The following CSMD1 variants were observed in gnomAD, a reference collection of about 807,000 sequenced individuals.
The protein encoded by CSMD1 is CUB and Sushi multiple domains 1.
A neutral mutation model predicts 417.5 loss-of-function variants in CSMD1; 213 were observed. That is an observed-to-expected ratio of 0.51 (90% CI 0.46 to 0.57). The LOEUF is 0.57. Ranked by LOEUF, CSMD1 falls within the 20% of genes least tolerant of loss-of-function variation. The pLI is 0.00. For synonymous variants in CSMD1, 2,862 were observed against 1,736.8 expected (o/e 1.65, Z -16.11); for missense variants, 6,923 against 4,529.7 (o/e 1.53, Z -15.17).
chr8:4,348,180 C>T (rs1212161565), intron 3 of CSMD1, among the ~76,000 whole-genome samples: 1 of 152,130 alleles, frequency 6.6e-6, no homozygotes, highest in East Asian at 1.9e-4. Context: ...CATATGATCT[C>T]TGGATATGGC....
rs138416004 is a variant in CSMD1, at chr8:3,620,293, G to C, written c.1010-3496C>G. ...TGTTCCCTACAAGAAAGTCCTTCAAGTTGAAATGAAAGGGCACTACACAGT... is the reference window on the plus strand; with the variant it reads ...TGTTCCCTACAAGAAAGTCCTTCAACTTGAAATGAAAGGGCACTACACAGT... On this transcript the variant is annotated intron_variant, in intron 7 of 69. Coordinates refer to ENST00000635120, the MANE Select transcript of CSMD1 (RefSeq NM_033225.6). Among the ~76,000 whole-genome samples, 976 of 147,492 alleles carry C rather than the reference G, an allele frequency of 6.6e-3. 6 individuals carry two copies. Among genetic ancestry groups the C allele is most frequent in the Non-Finnish European group, 0.011 (757 of 67,986 alleles).
At chr8:3,383,213 T>C (rs935930931) in intron 18 of CSMD1, among the ~76,000 whole-genome samples, 2 of 152,240 alleles carry the variant, frequency 1.3e-5, no homozygotes, top group African/African-American at 4.8e-5. Context: ...CTTTCATAGA[T>C]GTTCATATGT....
chr8:4,678,577 C>T (rs1805839170), intron 1 of CSMD1, among the ~76,000 whole-genome samples: 1 of 151,986 alleles, frequency 6.6e-6, no homozygotes, highest in African/African-American at 2.4e-5. Flanking sequence ...ACATTATATT[C>T]AGAAATTAAG....
At chr8:3,295,421 C>T (rs1023186654) in intron 25 of CSMD1, among the ~76,000 whole-genome samples, 1 of 152,096 alleles carries the variant, frequency 6.6e-6, no homozygotes, top group Non-Finnish European at 1.5e-5. Context: ...CCACTGAGCC[C>T]AGCCTCAATT....
intron 3 of CSMD1, among the ~76,000 whole-genome samples, chr8:4,206,956 T>C (rs888278957): frequency 1.3e-5 from 2 of 152,218 alleles, no homozygotes; most frequent in Non-Finnish European, 2.9e-5. Context: ...AAAATGCCTA[T>C]TTCATATAGA....
chr8:3,509,157 A>C (rs10108457), intron 10 of CSMD1, among the ~76,000 whole-genome samples: 10 of 151,922 alleles, frequency 6.6e-5, no homozygotes, highest in African/African-American at 2.4e-4. Context: ...GATAAGGTCA[A>C]CTCAAAAGTT....
intron 2 of CSMD1, among the ~76,000 whole-genome samples, chr8:4,559,797 C>A (rs970254380): frequency 1.3e-5 from 2 of 152,248 alleles, no homozygotes; most frequent in African/African-American, 4.8e-5. Flanking sequence ...CCACCTGAGA[C>A]ACACGTCATC....
At chr8:4,804,137 T>C (rs115865720) in intron 1 of CSMD1, among the ~76,000 whole-genome samples, 1,695 of 152,202 alleles carry the variant, frequency 0.011, 28 homozygotes, top group African/African-American at 0.038. Flanking sequence ...ATTTCCTTTA[T>C]ACATCAAAAC....
At chr8:3,981,972 C>T (rs1041669688) in intron 5 of CSMD1, among the ~76,000 whole-genome samples, 1 of 151,846 alleles carries the variant, frequency 6.6e-6, no homozygotes, top group Non-Finnish European at 1.5e-5. Context: ...GAGATTGAGA[C>T]CATCCTGGCT....
At chr8:4,075,000 G>C (rs1188155333) in intron 3 of CSMD1, among the ~76,000 whole-genome samples, 1 of 152,050 alleles carries the variant, frequency 6.6e-6, no homozygotes, top group Non-Finnish European at 1.5e-5. Flanking sequence ...TCTACAAATG[G>C]GGACATGCCT....
intron 6 of CSMD1, among the ~76,000 whole-genome samples, chr8:3,726,665 A>G (rs1424252431): frequency 6.6e-6 from 1 of 152,174 alleles, no homozygotes; most frequent in African/African-American, 2.4e-5. Context: ...AGGTGACATC[A>G]GTCTGTAGTT....
chr8:3,297,838 C>G (rs35612444), intron 25 of CSMD1, among the ~76,000 whole-genome samples: 1 of 150,530 alleles, frequency 6.6e-6, no homozygotes, highest in Admixed American at 6.7e-5. Flanking sequence ...ATTTGCTAAC[C>G]GTAAAGAAAA....
chr8:4,720,213 A>T (rs910953421), intron 1 of CSMD1, among the ~76,000 whole-genome samples: 1 of 151,466 alleles, frequency 6.6e-6, no homozygotes, highest in Admixed American at 6.6e-5. Context: ...TTGTTCCTTG[A>T]TGTTTCTTAG....
intron 65 of CSMD1, among the ~76,000 whole-genome samples, chr8:2,953,719 T>A (rs624128): frequency 2.6e-5 from 4 of 152,132 alleles, no homozygotes; most frequent in Non-Finnish European, 5.9e-5. Context: ...TAGCAAAAGG[T>A]GCCACATACA....
At chr8:4,055,740 C>A (rs1019574900) in intron 3 of CSMD1, among the ~76,000 whole-genome samples, 1 of 152,092 alleles carries the variant, frequency 6.6e-6, no homozygotes, top group South Asian at 2.1e-4. Context: ...CTGTCATCCA[C>A]AACAGAATGA....
At chr8:4,272,031 G>A (rs79062617) in intron 3 of CSMD1, among the ~76,000 whole-genome samples, 1,663 of 152,074 alleles carry the variant, frequency 0.011, 30 homozygotes, top group African/African-American at 0.037. Flanking sequence ...ATGTTTGGTT[G>A]AAAAAAATTG....
intron 7 of CSMD1, among the ~76,000 whole-genome samples, chr8:3,690,647 A>T (rs1175767966): frequency 6.6e-6 from 1 of 152,152 alleles, no homozygotes; most frequent in East Asian, 1.9e-4. Context: ...TTCTTTCACT[A>T]ATTTGTCCTT....
rs142766214 is a variant in CSMD1, at chr8:4,029,434, G to C, written c.610+2471C>G. On this transcript the variant is annotated intron_variant, in intron 4 of 69. Coordinates refer to ENST00000635120, the MANE Select transcript of CSMD1 (RefSeq NM_033225.6). ...AGGAGGACCTAGCCACGTCTTATAT[G>C]GATAGCAGCAGGCAAAGTCAGCCTG... 4.2e-3 allele frequency among the ~76,000 whole-genome samples: 640 copies of C among 152,234 alleles called. 4 individuals carry two copies. The highest frequency in any genetic ancestry group is 0.015 in the African/African-American group (607 of 41,538).
chr8:4,452,348 C>A (rs946597981), intron 2 of CSMD1, among the ~76,000 whole-genome samples: 14 of 152,150 alleles, frequency 9.2e-5, no homozygotes, highest in African/African-American at 2.9e-4. Flanking sequence ...TAAACAAATT[C>A]CACTGGGGTG....
Sources: gnomAD v4.1 joint callset for allele counts (sites outside exome capture counted in the v4.1 genomes callset) on GRCh38, gnomAD v4.1.1 for gene constraint, MANE v1.5 for transcripts, NCBI Gene and HGNC (gene_info 2026-07-23, HGNC 2026-07-21) for gene names.